The following PEX13 variants were observed in gnomAD, a reference collection of about 807,000 sequenced individuals.
PEX13 encodes the protein peroxisomal biogenesis factor 13.
A neutral mutation model predicts 34.5 loss-of-function variants in PEX13; 28 were observed. That is an observed-to-expected ratio of 0.81 (90% CI 0.60 to 1.11). The LOEUF (loss-of-function observed/expected upper bound fraction) is 1.11. PEX13 is among the 50% of genes most tolerant of loss of function. PEX13 has a pLI of 0.00. For synonymous variants in PEX13, 177 were observed against 175.1 expected (o/e 1.01, Z -0.09); for missense variants, 550 against 491.0 (o/e 1.12, Z -1.13).
At chr2:61,041,588 C>G (rs987691265) in intron 2 of PEX13, among the ~76,000 whole-genome samples, 1 of 151,948 alleles carries the variant, frequency 6.6e-6, no homozygotes, top group Non-Finnish European at 1.5e-5. Flanking sequence ...GTGGAGAAGA[C>G]AGAAACTGTA....
At chr2:61,018,164 T>C (rs1490280975) in intron 1 of PEX13, 3 of 1,550,778 alleles carry the variant, frequency 1.9e-6, no homozygotes, top group East Asian at 2.4e-5. Context: ...TTTGACAGAA[T>C]GGCTTCTCTA....
In PEX13 at chr2:61,032,070, C is replaced by T. The variant is rs759431249; in HGVS notation, c.744C>T (p.Tyr248=). ...LFFAVILGGP[Y]LIWKLLSTHS... is the part of the protein sequence containing the mutation. Reference sequence around the variant, plus strand: ...TTGCTGTTATCCTTGGTGGTCCTTACCTCATTTGGAAACTATTGTCTACTC... The same window carrying T: ...TTGCTGTTATCCTTGGTGGTCCTTATCTCATTTGGAAACTATTGTCTACTC... Residue 248 remains tyrosine (Y), a synonymous_variant, in exon 2 of 4, where the codon TAC becomes TAT. Transcript: ENST00000295030. 1.2e-5 allele frequency: 19 copies of T among 1,613,704 alleles called. No homozygotes were observed. The East Asian group carries it at 4.2e-4, about 36-fold the overall frequency.
At chr2:61,024,524 T>C (rs1457418600) in intron 1 of PEX13, among the ~76,000 whole-genome samples, 2 of 152,300 alleles carry the variant, frequency 1.3e-5, no homozygotes, top group South Asian at 2.1e-4. Flanking sequence ...AAACCAGTCA[T>C]TGAGGCCGGG....
chr2:61,036,582 T>G (rs565302440), intron 2 of PEX13, among the ~76,000 whole-genome samples: 1 of 152,072 alleles, frequency 6.6e-6, no homozygotes, highest in South Asian at 2.1e-4. Flanking sequence ...TGCTGAGAGA[T>G]TTTTTCACCA....
chr2:61,038,854 A>G (rs1680576054), intron 2 of PEX13, among the ~76,000 whole-genome samples: 1 of 152,206 alleles, frequency 6.6e-6, no homozygotes, highest in Admixed American at 6.5e-5. Flanking sequence ...TATTTAGAAA[A>G]CCCCATTGTG....
chr2:61,019,970 A>G (rs1330628476), intron 1 of PEX13, among the ~76,000 whole-genome samples: 1 of 152,128 alleles, frequency 6.6e-6, no homozygotes, highest in Non-Finnish European at 1.5e-5. Context: ...AATATCTTAT[A>G]ATTATCCACT....
intron 2 of PEX13, among the ~76,000 whole-genome samples, chr2:61,034,461 A>G (rs1238331568): frequency 2.0e-5 from 3 of 152,220 alleles, no homozygotes; most frequent in South Asian, 2.1e-4. Context: ...CTGGTTGGAC[A>G]GTGGGTACAG....
At chr2:61,028,979 T>C (rs902004292) in intron 1 of PEX13, among the ~76,000 whole-genome samples, 6 of 152,068 alleles carry the variant, frequency 3.9e-5, no homozygotes, top group Admixed American at 1.3e-4. Flanking sequence ...ACCCAGGTAT[T>C]TGAGACCAGC....
chr2:61,047,249 G>A (rs923678218), intron 3 of PEX13, among the ~76,000 whole-genome samples: 5 of 151,840 alleles, frequency 3.3e-5, no homozygotes, highest in Admixed American at 2.6e-4. Flanking sequence ...TCCGCCTCCC[G>A]GGTTCAAGTG....
Position 61,017,754 on chromosome 2 carries a change from G to C in PEX13, c.-6G>C, listed in dbSNP as rs147461642. The C allele has an allele frequency of 4.8e-3, 7,461 of 1,549,040 alleles. 28 individuals carry two copies. Among genetic ancestry groups the C allele is most frequent in the Non-Finnish European group, 5.6e-3 (6,467 of 1,146,450 alleles). On this transcript the variant is annotated 5_prime_UTR_variant, in exon 1 of 4. Coordinates refer to ENST00000295030, the MANE Select transcript of PEX13 (RefSeq NM_002618.4). Reference sequence around the variant, plus strand: ...TAGGAGCGGGAGCCGAGAGGAGGCGGAGGAGATGGCGTCCCAGCCGCCACC... The same window carrying C: ...TAGGAGCGGGAGCCGAGAGGAGGCGCAGGAGATGGCGTCCCAGCCGCCACC...
chr2:61,029,410 C>A (rs1459680713), intron 1 of PEX13, among the ~76,000 whole-genome samples: 1 of 152,078 alleles, frequency 6.6e-6, no homozygotes. Flanking sequence ...GGTACAGTTG[C>A]TTTGGAACAC....
chr2:61,035,676 A>G (rs1245301663), intron 2 of PEX13, among the ~76,000 whole-genome samples: 2 of 152,182 alleles, frequency 1.3e-5, no homozygotes, highest in African/African-American at 2.4e-5. Context: ...CATGATGCAC[A>G]CACAAGCTTC....
At chr2:61,045,022 T>G (rs1437827314) in intron 2 of PEX13, among the ~76,000 whole-genome samples, 1 of 152,224 alleles carries the variant, frequency 6.6e-6, no homozygotes, top group Admixed American at 6.5e-5. Flanking sequence ...TTGGAAGTGA[T>G]TAATCTGCAA....
At position 61,048,836 on chromosome 2, in the gene PEX13, A is replaced by G; in HGVS notation, c.*66A>G. On this transcript the variant is annotated 3_prime_UTR_variant, in exon 4 of 4. Coordinates refer to ENST00000295030, the MANE Select transcript of PEX13 (RefSeq NM_002618.4). ...TACTTTTTAAAATTATTTCTCACAA[A>G]GAAATGAATGTACAATCCAATGAAA... 1 of 1,269,296 alleles carries G rather than the reference A, an allele frequency of 7.9e-7. No individual in the cohort carries two copies. Among genetic ancestry groups the G allele is most frequent in the South Asian group, 1.2e-5 (1 of 81,428 alleles). The allele number at this position is 1,269,296 out of a possible 1,614,324, so 78.6% of individuals were successfully genotyped here.
Position 61,025,195 on chromosome 2 carries a change from C to A in PEX13, c.93-6224C>A, listed in dbSNP as rs139189138. Among the ~76,000 whole-genome samples the A allele has an allele frequency of 7.6e-3, 1,152 of 150,626 alleles. 6 individuals carry two copies. The highest frequency in any genetic ancestry group is 0.014 in the Middle Eastern group (4 of 282). ...GCAATTCTCCTGCCTGAGCCTCCCCCGTAGCTGGGATTACAGGCACCTGCC... is the reference window on the plus strand; with the variant it reads ...GCAATTCTCCTGCCTGAGCCTCCCCAGTAGCTGGGATTACAGGCACCTGCC... On this transcript the variant is annotated intron_variant, in intron 1 of 3. Coordinates refer to ENST00000295030, the MANE Select transcript of PEX13 (RefSeq NM_002618.4).
chr2:61,047,602 A>G (rs903767424), intron 3 of PEX13, among the ~76,000 whole-genome samples: 1 of 152,236 alleles, frequency 6.6e-6, no homozygotes, highest in Non-Finnish European at 1.5e-5. Flanking sequence ...ATAACACTTC[A>G]GAAAAATTTT....
intron 1 of PEX13, among the ~76,000 whole-genome samples, chr2:61,028,621 A>AGG (rs1309290534): frequency 6.6e-6 from 1 of 151,732 alleles, no homozygotes; most frequent in Non-Finnish European, 1.5e-5. Flanking sequence ...TCCTAACCTG[A>AGG]GGGGACCCGC....
intron 1 of PEX13, chr2:61,018,274 C>T (rs1277406847): frequency 9.0e-6 from 14 of 1,550,614 alleles, no homozygotes; most frequent in Non-Finnish European, 8.7e-6. Context: ...GTGTTAACCT[C>T]TCGAGAAGTT....
intron 2 of PEX13, 49 bp downstream of exon 2, chr2:61,032,162 A>G (rs749633248): frequency 9.7e-6 from 12 of 1,232,240 alleles, no homozygotes; most frequent in East Asian, 2.3e-5. Context: ...AACAATCTCA[A>G]ATTTCAAGAA....
Sources: allele counts gnomAD v4.1 joint callset (sites outside exome capture counted in the v4.1 genomes callset), GRCh38; gene constraint gnomAD v4.1.1; transcripts MANE v1.5; gene names NCBI Gene and HGNC (gene_info 2026-07-23, HGNC 2026-07-21).